The following AK5 variants were observed in gnomAD, a reference collection of about 807,000 sequenced individuals.
AK5 encodes adenylate kinase isoenzyme 5.
In AK5, 27 loss-of-function variants were observed where a neutral mutation model predicts 69.5. The observed-to-expected ratio is 0.39, with a 90% CI of 0.29 to 0.54. The LOEUF (loss-of-function observed/expected upper bound fraction) is 0.54, where lower values mean the gene tolerates loss of function less well. Among genes scored for constraint, AK5 ranks in the 20% least tolerant of loss-of-function variants. The probability of loss-of-function intolerance (pLI) is 0.71; values close to 1 mark genes in which losing one functional copy is unlikely to be tolerated. For synonymous variants in AK5, 260 were observed against 244.4 expected, an observed-to-expected ratio of 1.06 and a Z score of -0.60; for missense variants, 531 against 700.4, an observed-to-expected ratio of 0.76 and a Z score of 2.73.
intron 5 of AK5, among the ~76,000 whole-genome samples, chr1:77,298,832 C>T (rs987009897): frequency 6.6e-6 from 1 of 152,076 alleles, no homozygotes; most frequent in African/African-American, 2.4e-5. Context: ...CAAGACCCTG[C>T]TTCAAAAAAA....
chr1:77,433,150 A>G (rs1050163843), intron 8 of AK5, among the ~76,000 whole-genome samples: 1 of 152,216 alleles, frequency 6.6e-6, no homozygotes, highest in Admixed American at 6.5e-5. Context: ...GCAGCCAAAT[A>G]TTGAAGAAAA....
At chr1:77,504,340 G>A (rs1656906199) in intron 10 of AK5, among the ~76,000 whole-genome samples, 2 of 151,908 alleles carry the variant, frequency 1.3e-5, no homozygotes, top group Admixed American at 1.3e-4. Flanking sequence ...TAGAAAACGT[G>A]TATCAACAAT....
chr1:77,302,512 C>G (rs1216953550), intron 5 of AK5, among the ~76,000 whole-genome samples: 1 of 152,098 alleles, frequency 6.6e-6, no homozygotes, highest in East Asian at 1.9e-4. Context: ...TGACAATTAG[C>G]TTCAGGCCAT....
intron 8 of AK5, among the ~76,000 whole-genome samples, chr1:77,455,263 A>T (rs894598124): frequency 3.9e-5 from 6 of 152,140 alleles, no homozygotes; most frequent in Non-Finnish European, 8.8e-5. Context: ...GTTGAAACCT[A>T]ATCACCAATA....
chr1:77,286,906 G>A, intron 1 of AK5, 35 bp from the exon 2 acceptor site: 1 of 1,300,368 alleles, frequency 7.7e-7, no homozygotes, highest in Non-Finnish European at 1.0e-6. Flanking sequence ...GGGTTTAAAA[G>A]ATATTTTATT....
At chr1:77,504,899 A>T (rs933655819) in intron 10 of AK5, among the ~76,000 whole-genome samples, 2 of 152,232 alleles carry the variant, frequency 1.3e-5, no homozygotes, top group Admixed American at 1.3e-4. Flanking sequence ...TATTCAGTTT[A>T]TACCTATGAT....
At chr1:77,545,848 C>T (rs187476860) in intron 13 of AK5, among the ~76,000 whole-genome samples, 90 of 152,310 alleles carry the variant, frequency 5.9e-4, no homozygotes, top group Non-Finnish European at 8.7e-4. Context: ...GCCCTCCCTC[C>T]TGCTGGTGCA....
intron 8 of AK5, among the ~76,000 whole-genome samples, chr1:77,433,995 C>A (rs958382439): frequency 6.6e-6 from 1 of 151,398 alleles, no homozygotes; most frequent in East Asian, 1.9e-4. Context: ...TTCCATGAAT[C>A]TGATTGAGTA....
At chr1:77,289,917 A>G (rs1658591834) in intron 2 of AK5, among the ~76,000 whole-genome samples, 2 of 151,186 alleles carry the variant, frequency 1.3e-5, no homozygotes, top group Non-Finnish European at 2.9e-5. Flanking sequence ...AAAAATGTCC[A>G]GCTGAACAAA....
chr1:77,365,945 C>T (rs898332201), intron 6 of AK5, among the ~76,000 whole-genome samples: 14 of 152,094 alleles, frequency 9.2e-5, no homozygotes, highest in African/African-American at 2.9e-4. Flanking sequence ...TTCAAAAAAA[C>T]ATGTAATGGC....
intron 1 of AK5, among the ~76,000 whole-genome samples, chr1:77,284,448 T>G (rs1208540887): frequency 6.6e-6 from 1 of 152,242 alleles, no homozygotes; most frequent in Admixed American, 6.5e-5. Flanking sequence ...TATTGACGTA[T>G]TGTCAGACAA....
intron 5 of AK5, among the ~76,000 whole-genome samples, chr1:77,318,610 A>G (rs972354790): frequency 3.3e-5 from 5 of 152,082 alleles, no homozygotes; most frequent in African/African-American, 1.2e-4. Context: ...ACCCTAAACA[A>G]TCTGATTTGA....
chr1:77,406,874 G>A (rs1212309198), intron 6 of AK5, among the ~76,000 whole-genome samples: 1 of 152,082 alleles, frequency 6.6e-6, no homozygotes, highest in Non-Finnish European at 1.5e-5. Context: ...ACACTGCTCT[G>A]ATCCAACCTA....
chr1:77,415,525 T>C (rs1650367133), intron 7 of AK5, among the ~76,000 whole-genome samples: 1 of 152,144 alleles, frequency 6.6e-6, no homozygotes, highest in Non-Finnish European at 1.5e-5. Flanking sequence ...GAAAGCCAGA[T>C]AAAATTTGTG....
chr1:77,519,961 T>C (rs768061075), intron 11 of AK5, among the ~76,000 whole-genome samples: 4 of 152,158 alleles, frequency 2.6e-5, no homozygotes. Flanking sequence ...CCCAGCACTT[T>C]GGGAGGCCGA....
intron 6 of AK5, among the ~76,000 whole-genome samples, chr1:77,353,697 C>G (rs1374214626): frequency 6.6e-6 from 1 of 152,148 alleles, no homozygotes; most frequent in Non-Finnish European, 1.5e-5. Flanking sequence ...CTGTTGTCTT[C>G]CTCAATATAA....
intron 8 of AK5, among the ~76,000 whole-genome samples, chr1:77,477,003 A>AGTGTGTGTGTGT (rs10625085): frequency 4.9e-4 from 72 of 147,092 alleles, no homozygotes; most frequent in African/African-American, 1.6e-3. Context: ...TGTTCTTTTT[A>AGTGTGTGTGTGT]GTGTGTGTGT....
chr1:77,367,579 A>ATATATATATATATATAT lies in AK5; in HGVS notation c.891+27011_891+27012insTATATATATATATATAT, dbSNP rs71075732. 1.3e-4 allele frequency among the ~76,000 whole-genome samples: 7 copies of ATATATATATATATATAT among 53,394 alleles called. 1 individual carries two copies. Among genetic ancestry groups the ATATATATATATATATAT allele is most frequent in the African/African-American group, 5.3e-4 (5 of 9,436 alleles). The allele number at this position is 53,394 out of a possible 152,430, so 35.0% of individuals were successfully genotyped here. Reference sequence around the variant, plus strand: ...TTTTTATATATATATATATATATATAATATATATGTTATATATGTAATATA... The same window carrying ATATATATATATATATAT: ...TTTTTATATATATATATATATATATATATATATATATATATATATATATATGTTATATATGTAATATA... On this transcript the variant is annotated intron_variant, in intron 6 of 13. Transcript: ENST00000354567.
intron 9 of AK5, 28 bp from the exon 10 acceptor site, chr1:77,486,279 CA>C: frequency 6.8e-7 from 1 of 1,467,214 alleles, no homozygotes; most frequent in East Asian, 2.3e-5. Flanking sequence ...TTTTTCTTGC[CA>C]ATAACTTAAG....
Sources: allele counts gnomAD v4.1 joint callset (sites outside exome capture counted in the v4.1 genomes callset), GRCh38; gene constraint gnomAD v4.1.1; transcripts MANE v1.5; gene names NCBI Gene and HGNC (gene_info 2026-07-23, HGNC 2026-07-21).